Variants in THBS1 observed in about 807,000 individuals in gnomAD.
THBS1 encodes the protein thrombospondin 1.
In THBS1, 29 loss-of-function variants were observed where a neutral mutation model predicts 126.1. The ratio of observed to expected loss-of-function variants is 0.23; its 90% CI spans 0.17 to 0.31. The LOEUF (loss-of-function observed/expected upper bound fraction) is 0.31. THBS1 is among the 10% of genes least tolerant of loss of function. THBS1 has a pLI of 1.00. For missense variants in THBS1, 1,198 were observed against 1,545.2 expected, an observed-to-expected ratio of 0.78 and a Z score of 3.77; for synonymous variants, 496 against 577.8, an observed-to-expected ratio of 0.86 and a Z score of 2.03.
chr15:39,582,677 A>G lies in THBS1; in HGVS notation c.552A>G (p.Gln184=), dbSNP rs909348851. 3 of 1,613,480 alleles carry G rather than the reference A, an allele frequency of 1.9e-6. No homozygotes were observed. The highest frequency in any genetic ancestry group is 3.3e-5 in the Admixed American group (2 of 60,000). Residue 184 remains glutamine (Q), a synonymous_variant, in exon 3 of 22, where the codon CAA becomes CAG. Transcript: ENST00000260356. ...ATGCTGAGTTGGACGTCCCCATCCA[A>G]AGCGTCTTCACCAGAGACCTGGCCA... ...MENAELDVPI[Q]SVFTRDLASI...
At chr15:39,583,563 C>CCA in intron 3 of THBS1, 54 bp from the exon 4 acceptor site, 1 of 1,198,778 alleles carries the variant, frequency 8.3e-7, no homozygotes. Flanking sequence ...CTCCCCCAAC[C>CCA]CCATCCCCAC....
intron 13 of THBS1, 22 bp from the exon 14 acceptor site, chr15:39,590,494 A>G (rs773380914): frequency 1.3e-6 from 2 of 1,585,526 alleles, no homozygotes; most frequent in South Asian, 2.2e-5. Context: ...TGAAGCAGTG[A>G]TATATATCTT....
chr15:39,584,499 C>A, intron 6 of THBS1, 77 bp downstream of exon 6: 1 of 1,569,772 alleles, frequency 6.4e-7, no homozygotes, highest in South Asian at 1.2e-5. Context: ...ATACCCTAAT[C>A]GCCACAGAGA....
Position 39,593,774 on chromosome 15 carries a change from C to T in THBS1, c.3267+106C>T. The stretch of plus-strand genomic sequence containing the variant: ...TCTGACCAGGGAGTCTTAGAAAGTT[C>T]CCAGCATCACCAGCTGCAGCATTGA... On this transcript the variant is annotated intron_variant, in intron 19 of 21. Coordinates refer to ENST00000260356, the MANE Select transcript of THBS1 (RefSeq NM_003246.4). The surrounding 1 kb of genome is among the most constrained non-coding windows in gnomAD (Gnocchi z 5.9). 6.9e-7 allele frequency: 1 copy of T among 1,448,768 alleles called. No individual in the cohort carries two copies. The highest frequency in any genetic ancestry group is 9.3e-7 in the Non-Finnish European group (1 of 1,072,660). The allele number at this position is 1,448,768 out of a possible 1,614,324, so 89.7% of individuals were successfully genotyped here.
Position 39,594,031 on chromosome 15 carries a change from A to T in THBS1, c.3268-68A>T. 2 of 1,484,416 alleles carry T rather than the reference A, an allele frequency of 1.3e-6. No homozygotes were observed. The highest frequency in any genetic ancestry group is 1.8e-6 in the Non-Finnish European group (2 of 1,089,536). 92.0% of individuals were successfully genotyped at this position (1,484,416 alleles called of 1,614,324 possible). Reference sequence around the variant, plus strand: ...CAGTACCTTTCAAGCATTGTTTCTGATGGAATGAAATAGAAATCTTTACCT... The same window carrying T: ...CAGTACCTTTCAAGCATTGTTTCTGTTGGAATGAAATAGAAATCTTTACCT... On this transcript the variant is annotated intron_variant, in intron 19 of 21. Transcript: ENST00000260356. The surrounding 1 kb of genome is among the most constrained non-coding windows in gnomAD (Gnocchi z 4.4).
chr15:39,582,727 A>AG lies in THBS1; in HGVS notation c.608dup (p.Val204ArgfsTer3). 1.9e-6 allele frequency: 3 copies of AG among 1,611,828 alleles called. No homozygotes were observed. Among genetic ancestry groups the AG allele is most frequent in the Non-Finnish European group, 8.5e-7 (1 of 1,179,244 alleles). On this transcript the variant is annotated frameshift_variant, in exon 3 of 22. Transcript: ENST00000260356. LOFTEE classifies it high-confidence loss of function. ...AGCATCGCCAGACTCCGCATCGCAA[A>AG]GGGGGGCGTCAATGACAATTTCCAG...
At chr15:39,590,979 T>C in intron 14 of THBS1, 1 of 587,706 alleles carries the variant, frequency 1.7e-6, no homozygotes, top group Non-Finnish European at 2.9e-6. Context: ...ATTCTACATC[T>C]CACTAACTTC....
Position 39,593,046 on chromosome 15 carries a change from T to A in THBS1, c.2814T>A (p.Ser938Arg). The A allele has an allele frequency of 6.2e-7, 1 of 1,610,632 alleles. No individual in the cohort carries two copies. ...DACKDDFDHD[S>R]VPDIDDICPE... Reference sequence around the variant, plus strand: ...GCAAAGATGATTTTGACCATGACAGTGTGCCAGACATCGATGACATCTGTC... The same window carrying A: ...GCAAAGATGATTTTGACCATGACAGAGTGCCAGACATCGATGACATCTGTC... Residue 938 changes from serine (S) to arginine (R), a missense_variant, in exon 18 of 22, where the codon AGT (serine) becomes AGA (arginine). By Grantham distance (110) the Ser-to-Arg change is moderately radical (BLOSUM62 -1). Around this residue, in one of 4 missense-constraint regions of THBS1, gnomAD observed 255 missense variants for 373.9 expected, o/e 0.68. Transcript: ENST00000260356. The surrounding 1 kb of genome is among the most constrained non-coding windows in gnomAD (Gnocchi z 5.9).
At position 39,589,507 on chromosome 15, in the gene THBS1, A is replaced by T. The variant is rs566757957; in HGVS notation, c.1926+153A>T. 2.0e-5 allele frequency among the ~76,000 whole-genome samples: 3 copies of T among 152,334 alleles called. No homozygotes were observed. The highest frequency in any genetic ancestry group is 2.0e-4 in the Admixed American group (3 of 15,300). On this transcript the variant is annotated intron_variant, in intron 12 of 21. Coordinates refer to ENST00000260356, the MANE Select transcript of THBS1 (RefSeq NM_003246.4). The surrounding 1 kb of genome is among the most constrained non-coding windows in gnomAD (Gnocchi z 4.7). Reference sequence around the variant, plus strand: ...TCTAGTTTTAGAAACGTGATTAGAAAATCCATGGTAAATCCTGCAGGGGAA... The same window carrying T: ...TCTAGTTTTAGAAACGTGATTAGAATATCCATGGTAAATCCTGCAGGGGAA...
chr15:39,581,456 T>C (rs1223586552), intron 1 of THBS1, among the ~76,000 whole-genome samples: 2 of 151,802 alleles, frequency 1.3e-5, no homozygotes, highest in Non-Finnish European at 2.9e-5. Flanking sequence ...CAAGATTTCC[T>C]TACTCTCTGA....
chr15:39,584,455 G>A lies in THBS1; in HGVS notation c.1026+33G>A, dbSNP rs984112461. 6.2e-6 allele frequency: 10 copies of A among 1,612,036 alleles called. No individual in the cohort carries two copies. In the East Asian group the frequency reaches 6.7e-5, roughly 11 times the overall value. The stretch of plus-strand genomic sequence containing the variant: ...ACCTTCACCAGCCAGAATAAGAATC[G>A]ACGGCTTTTGTTTGAACCTACATCT... On this transcript the variant is annotated intron_variant, in intron 6 of 21. Transcript: ENST00000260356.
rs879801079 is a variant in THBS1, at chr15:39,597,275, G to GTTTTTTT, written c.*1910_*1911insTTTTTTT. 19 of 52,586 alleles carry GTTTTTTT rather than the reference G, an allele frequency of 3.6e-4. No individual in the cohort carries two copies. Among genetic ancestry groups the GTTTTTTT allele is most frequent in the Admixed American group, 5.1e-4 (3 of 5,878 alleles). The allele number at this position is 52,586 out of a possible 1,614,324, so 3.3% of individuals were successfully genotyped here. On this transcript the variant is annotated 3_prime_UTR_variant, in exon 22 of 22. Coordinates refer to ENST00000260356, the MANE Select transcript of THBS1 (RefSeq NM_003246.4). ...GAATTGTTGGTTTTTTCTTTTTTTT[G>GTTTTTTT]TTTTGTTTTTTTTTTTTTTTTTTTT...
In THBS1 at chr15:39,595,501, G is replaced by A; in HGVS notation, c.*132G>A. ...TTCTTTTCTGTGCTTGCATCAGTGT[G>A]GACTCCTAGAACGTGCGACCTGCCT... On this transcript the variant is annotated 3_prime_UTR_variant, in exon 22 of 22. Coordinates refer to ENST00000260356, the MANE Select transcript of THBS1 (RefSeq NM_003246.4). 7.9e-7 allele frequency: 1 copy of A among 1,258,288 alleles called. No individual in the cohort carries two copies. The highest frequency in any genetic ancestry group is 1.1e-6 in the Non-Finnish European group (1 of 922,614). 77.9% of individuals were successfully genotyped at this position (1,258,288 alleles called of 1,614,324 possible). A position where few individuals can be genotyped will look rare whatever the true frequency, so the allele number is the denominator to read the frequency against.
intron 7 of THBS1, chr15:39,586,719 A>G (rs1890214451): frequency 6.6e-6 from 1 of 152,088 alleles, no homozygotes; most frequent in African/African-American, 2.4e-5. Flanking sequence ...GCTTCCTCAT[A>G]CTCGCGCATT....
rs1890127990 is a variant in THBS1, at chr15:39,582,415, T to C, written c.290T>C (p.Met97Thr). Reference sequence around the variant, plus strand: ...CTCCTTCTGGCATCCCTGAGGCAGATGAAGAAGACCCGGGGCACGCTGCTG... The same window carrying C: ...CTCCTTCTGGCATCCCTGAGGCAGACGAAGAAGACCCGGGGCACGCTGCTG... ...GFLLLASLRQ[M>T]KKTRGTLLAL... Residue 97 changes from methionine (M) to threonine (T), a missense_variant, in exon 3 of 22, where the codon ATG becomes ACG. Met to Thr is a moderately conservative substitution (Grantham distance 81). Coordinates refer to ENST00000260356, the MANE Select transcript of THBS1 (RefSeq NM_003246.4). 2 of 1,614,058 alleles carry C rather than the reference T, an allele frequency of 1.2e-6. No individual in the cohort carries two copies. The highest frequency in any genetic ancestry group is 1.7e-6 in the Non-Finnish European group (2 of 1,179,974).
intron 2 of THBS1, 66 bp downstream of exon 2, chr15:39,581,990 G>A: frequency 6.5e-7 from 1 of 1,548,370 alleles, no homozygotes; most frequent in Non-Finnish European, 8.9e-7. Flanking sequence ...TCCCAGGTGT[G>A]CCCCCTCACG....
chr15:39,588,977 C>T lies in THBS1; in HGVS notation c.1664C>T (p.Pro555Leu). The change falls in exon 11 of 22, where the codon CCC (proline) becomes CTC (leucine). Residue 555 changes from proline (P) to leucine (L), a missense_variant. Transcript: ENST00000260356. ...DCPIDGCLSN[P>L]CFAGVKCTSY... ...GTCTCAGATGGATGCCTGTCCAATCCCTGCTTTGCCGGCGTGAAGTGTACT... is the reference window on the plus strand; with the variant it reads ...GTCTCAGATGGATGCCTGTCCAATCTCTGCTTTGCCGGCGTGAAGTGTACT... The T allele has an allele frequency of 6.2e-7, 1 of 1,614,124 alleles. No homozygotes were observed. Among genetic ancestry groups the T allele is most frequent in the Middle Eastern group, 1.6e-4 (1 of 6,062 alleles).
Position 39,582,313 on chromosome 15 carries a change from A to G in THBS1, c.188A>G (p.Asp63Gly), listed in dbSNP as rs751222173. Reference sequence around the variant, plus strand: ...TCCAGCCCAGCTTTCCGCATCGAGGATGCCAACCTGATCCCCCCTGTGCCT... The same window carrying G: ...TCCAGCCCAGCTTTCCGCATCGAGGGTGCCAACCTGATCCCCCCTGTGCCT... Reference protein sequence around the residue: ...DPSSPAFRIEDANLIPPVPDD... With the variant: ...DPSSPAFRIEGANLIPPVPDD... The change falls in exon 3 of 22, where the codon GAT becomes GGT. Residue 63 changes from aspartate to glycine, a missense_variant. Physicochemically the swap from Asp to Gly is moderately conservative, Grantham distance 94. Around this residue, in one of 4 missense-constraint regions of THBS1, gnomAD observed 271 missense variants for 277.0 expected, o/e 0.98. Transcript: ENST00000260356. 5 of 1,614,214 alleles carry G rather than the reference A, an allele frequency of 3.1e-6. No individual in the cohort carries two copies. In the Admixed American group the frequency reaches 8.3e-5, roughly 27 times the overall value.
rs747370442 is a variant in THBS1 at position 39,584,048 on chromosome 15, G to A, written c.764G>A (p.Arg255His). 7.4e-6 allele frequency: 12 copies of A among 1,614,028 alleles called. No homozygotes were observed. The highest frequency in any genetic ancestry group is 4.5e-5 in the East Asian group (2 of 44,894). ...GTGAATGGTTCCAGCCCTGCCATCC[G>A]CACTAACTACATTGGCCACAAGACA... Reference protein sequence around the residue: ...NVVNGSSPAIRTNYIGHKTKD... With the variant: ...NVVNGSSPAIHTNYIGHKTKD... The change falls in exon 5 of 22, where the codon CGC becomes CAC. Residue 255 changes from arginine to histidine, a missense_variant. Arg to His is a conservative substitution (Grantham distance 29). Around this residue, in one of 4 missense-constraint regions of THBS1, gnomAD observed 663 missense variants for 860.1 expected, o/e 0.77. Coordinates refer to ENST00000260356, the MANE Select transcript of THBS1 (RefSeq NM_003246.4).
Sources: allele counts gnomAD v4.1 joint callset (sites outside exome capture counted in the v4.1 genomes callset), GRCh38; gene constraint gnomAD v4.1.1; regional missense constraint gnomAD v4.1.1; non-coding constraint Gnocchi (gnomAD v3.1); transcripts MANE v1.5; gene names NCBI Gene and HGNC (gene_info 2026-07-23, HGNC 2026-07-21).